SPATS2L: variants seen among roughly 807,000 people sequenced by gnomAD.
The protein encoded by SPATS2L is SPATS2-like protein.
In SPATS2L, 30 loss-of-function variants were observed where a neutral mutation model predicts 59.6. The ratio of observed to expected loss-of-function variants is 0.50; its 90% CI spans 0.38 to 0.68. The LOEUF (loss-of-function observed/expected upper bound fraction) is 0.68. Among genes scored for constraint, SPATS2L ranks in the 30% least tolerant of loss-of-function variants. The pLI is 0.00. For missense variants in SPATS2L, 615 were observed against 700.0 expected (o/e 0.88, Z 1.37); for synonymous variants, 252 against 263.5 (o/e 0.96, Z 0.42).
intron 2 of SPATS2L, among the ~76,000 whole-genome samples, chr2:200,350,031 A>C (rs1294338783): frequency 6.6e-6 from 1 of 152,068 alleles, no homozygotes; most frequent in Admixed American, 6.5e-5. Flanking sequence ...CTTGTTTTCA[A>C]CCTGGACCCT....
chr2:200,403,480 T>C (rs1291172470), intron 3 of SPATS2L, among the ~76,000 whole-genome samples: 3 of 152,218 alleles, frequency 2.0e-5, no homozygotes, highest in African/African-American at 7.2e-5. Flanking sequence ...TGGCAATGTC[T>C]AACATCCCTT....
chr2:200,352,398 C>G (rs533079719), intron 2 of SPATS2L, among the ~76,000 whole-genome samples: 1 of 142,376 alleles, frequency 7.0e-6, no homozygotes, highest in African/African-American at 2.7e-5. Context: ...TTTTCTCTCT[C>G]TCTTTTAAAC....
At chr2:200,360,824 A>T (rs1559067174) in intron 2 of SPATS2L, among the ~76,000 whole-genome samples, 1 of 152,086 alleles carries the variant, frequency 6.6e-6, no homozygotes, top group Non-Finnish European at 1.5e-5. Context: ...TGACCCATTG[A>T]GGGGATGAGT....
At chr2:200,339,700 A>T (rs1412951370) in intron 2 of SPATS2L, among the ~76,000 whole-genome samples, 2 of 152,236 alleles carry the variant, frequency 1.3e-5, no homozygotes, top group Non-Finnish European at 2.9e-5. Flanking sequence ...GACTTTTAGA[A>T]ATAATACAAG....
intron 6 of SPATS2L, among the ~76,000 whole-genome samples, chr2:200,422,888 T>C (rs1459513168): frequency 6.6e-6 from 1 of 152,196 alleles, no homozygotes; most frequent in East Asian, 1.9e-4. Context: ...TCTTGCTCTC[T>C]CTCTCTCAAA....
chr2:200,422,970 G>A (rs911115545), intron 6 of SPATS2L, among the ~76,000 whole-genome samples: 6 of 152,098 alleles, frequency 3.9e-5, no homozygotes, highest in East Asian at 1.9e-4. Flanking sequence ...GATGAGATGC[G>A]ATGACACTCA....
rs183858500 is a variant in SPATS2L at position 200,392,988 on chromosome 2, T to C, written c.39+3705T>C. Reference sequence around the variant, plus strand: ...TTTTTCCTATATCTTTACAAACTTATTGGCCATTGAGTAAAAAATAGCAGC... The same window carrying C: ...TTTTTCCTATATCTTTACAAACTTACTGGCCATTGAGTAAAAAATAGCAGC... On this transcript the variant is annotated intron_variant, in intron 3 of 12. Transcript: ENST00000409140. 9.2e-5 allele frequency: 31 copies of C among 338,302 alleles called. 1 individual carries two copies. Among genetic ancestry groups the C allele is most frequent in the Admixed American group, 7.4e-4 (19 of 25,726 alleles). 21.0% of individuals were successfully genotyped at this position (338,302 alleles called of 1,614,324 possible).
intron 9 of SPATS2L, chr2:200,463,184 T>C (rs965088356): frequency 6.3e-4 from 96 of 152,122 alleles, no homozygotes; most frequent in African/African-American, 2.1e-3. Context: ...GAAAGAACCA[T>C]GGAATTTCTC....
chr2:200,348,784 A>T (rs7575286), intron 2 of SPATS2L, among the ~76,000 whole-genome samples: 98,558 of 151,942 alleles, frequency 0.65, 36,168 homozygotes, highest in South Asian at 0.91. Context: ...GCCTGTACTA[A>T]GTGTTAGGAA....
At chr2:200,335,963 C>T (rs753073490) in intron 2 of SPATS2L, among the ~76,000 whole-genome samples, 1 of 152,178 alleles carries the variant, frequency 6.6e-6, no homozygotes, top group Non-Finnish European at 1.5e-5. Context: ...GGCTTCCCCA[C>T]TGTTCCATCT....
chr2:200,389,380 G>C, intron 3 of SPATS2L, 97 bp downstream of exon 3: 1 of 812,628 alleles, frequency 1.2e-6, no homozygotes, highest in Non-Finnish European at 2.0e-6. Context: ...AAGGGAAAGT[G>C]GTTTTGGGGG....
chr2:200,422,354 T>C (rs2083340619), intron 6 of SPATS2L, among the ~76,000 whole-genome samples: 1 of 151,930 alleles, frequency 6.6e-6, no homozygotes, highest in African/African-American at 2.4e-5. Flanking sequence ...CTGGGCAACA[T>C]GGCAAAACCC....
intron 3 of SPATS2L, among the ~76,000 whole-genome samples, chr2:200,402,486 C>G (rs2082558102): frequency 6.6e-6 from 1 of 152,194 alleles, no homozygotes; most frequent in South Asian, 2.1e-4. Flanking sequence ...ACCTTCCCTC[C>G]CATTCCCCTG....
At chr2:200,307,316 C>T (rs2079055342) in intron 1 of SPATS2L, among the ~76,000 whole-genome samples, 3 of 151,812 alleles carry the variant, frequency 2.0e-5, no homozygotes, top group South Asian at 4.1e-4. Flanking sequence ...CCCCCGTTCC[C>T]TCCCAAGCCG....
chr2:200,462,928 AAAT>A (rs1407528596), intron 9 of SPATS2L, among the ~76,000 whole-genome samples: 8 of 151,536 alleles, frequency 5.3e-5, no homozygotes, highest in African/African-American at 1.7e-4. Flanking sequence ...CCTGTATTAA[AAAT>A]AATAATAACA....
chr2:200,350,593 C>G (rs765288023), intron 2 of SPATS2L, among the ~76,000 whole-genome samples: 1 of 152,122 alleles, frequency 6.6e-6, no homozygotes, highest in African/African-American at 2.4e-5. Flanking sequence ...GTGGCACGAT[C>G]GTTCACTGCA....
intron 2 of SPATS2L, among the ~76,000 whole-genome samples, chr2:200,332,877 T>C (rs1020332539): frequency 1.3e-5 from 2 of 151,814 alleles, no homozygotes; most frequent in East Asian, 3.9e-4. Context: ...AGTAGGAGAA[T>C]AGATTAATAA....
intron 2 of SPATS2L, among the ~76,000 whole-genome samples, chr2:200,366,770 T>A (rs1348669083): frequency 6.6e-6 from 1 of 152,214 alleles, no homozygotes; most frequent in African/African-American, 2.4e-5. Context: ...CAAGATTGTA[T>A]TGGAGGCTTA....
At chr2:200,445,345 CT>C (rs2106125810) in intron 8 of SPATS2L, among the ~76,000 whole-genome samples, 1 of 152,208 alleles carries the variant, frequency 6.6e-6, no homozygotes, top group Admixed American at 6.5e-5. Context: ...AAAAGTGGGA[CT>C]TTTAGGCAGA....
Sources: gnomAD v4.1 joint callset for allele counts (sites outside exome capture counted in the v4.1 genomes callset) on GRCh38, gnomAD v4.1.1 for gene constraint, MANE v1.5 for transcripts, NCBI Gene and HGNC (gene_info 2026-07-23, HGNC 2026-07-21) for gene names.